Variants in NCKAP5 observed in about 807,000 individuals in gnomAD.
NCKAP5 encodes the protein nck-associated protein 5.
A neutral mutation model predicts 167.0 loss-of-function variants in NCKAP5; 92 were observed. The observed-to-expected ratio is 0.55, with a 90% CI of 0.47 to 0.66. The LOEUF (loss-of-function observed/expected upper bound fraction) is 0.66, where lower values mean the gene tolerates loss of function less well. Among genes scored for constraint, NCKAP5 ranks in the 30% least tolerant of loss-of-function variants. The pLI, the probability that NCKAP5 is intolerant of heterozygous loss-of-function variation, is 0.00. For synonymous variants in NCKAP5, 891 were observed against 877.4 expected (o/e 1.02, Z -0.27); for missense variants, 2,378 against 2,315.0 (o/e 1.03, Z -0.56).
At chr2:133,089,381 T>C (rs543850176) in intron 6 of NCKAP5, among the ~76,000 whole-genome samples, 1 of 152,322 alleles carries the variant, frequency 6.6e-6, no homozygotes, top group Admixed American at 6.5e-5. Context: ...ACTAATTTAA[T>C]ACTGTTTGAT....
chr2:133,494,937 T>C (rs1224942208), intron 3 of NCKAP5, among the ~76,000 whole-genome samples: 11 of 152,188 alleles, frequency 7.2e-5, no homozygotes, highest in Admixed American at 7.2e-4. Context: ...TGGCATCTTT[T>C]AAGGTATGAT....
chr2:133,375,566 T>A (rs375498221), intron 3 of NCKAP5, among the ~76,000 whole-genome samples: 1 of 152,348 alleles, frequency 6.6e-6, no homozygotes, highest in South Asian at 2.1e-4. Context: ...ATCCATTAGT[T>A]ATTTTTCCTG....
the NCKAP5 span, among the ~76,000 whole-genome samples, chr2:133,600,988 T>G: frequency 2.0e-5 from 3 of 152,260 alleles, no homozygotes; most frequent in South Asian, 6.2e-4. Flanking sequence ...CTTCTACTAC[T>G]GACTTCAAAC....
chr2:133,245,632 AT>A (rs1422303561), intron 4 of NCKAP5, among the ~76,000 whole-genome samples: 5 of 151,570 alleles, frequency 3.3e-5, no homozygotes, highest in African/African-American at 7.3e-5. Flanking sequence ...ACCTCAATAA[AT>A]TTTTTTTTAA....
At chr2:133,378,623 A>G (rs1686313363) in intron 3 of NCKAP5, among the ~76,000 whole-genome samples, 1 of 152,212 alleles carries the variant, frequency 6.6e-6, no homozygotes. Flanking sequence ...AGCATCCCAC[A>G]GCCAGGGAAA....
chr2:133,523,529 A>C (rs1262625730), intron 2 of NCKAP5, among the ~76,000 whole-genome samples: 1 of 152,122 alleles, frequency 6.6e-6, no homozygotes, highest in East Asian at 1.9e-4. Context: ...TTGCCATGTA[A>C]ATTTGAGTAG....
At chr2:132,963,606 T>G in intron 8 of NCKAP5, 114 bp downstream of exon 8, 1 of 1,083,918 alleles carries the variant, frequency 9.2e-7, no homozygotes, top group Non-Finnish European at 1.3e-6. Flanking sequence ...TAGATCATAT[T>G]AGTCTGGGAG....
chr2:132,697,450 A>C (rs1026321901), intron 19 of NCKAP5, among the ~76,000 whole-genome samples: 1 of 152,256 alleles, frequency 6.6e-6, no homozygotes, highest in African/African-American at 2.4e-5. Context: ...GTCATATTAG[A>C]TTCTATTTCC....
At chr2:132,915,805 T>G (rs371817377) in intron 8 of NCKAP5, among the ~76,000 whole-genome samples, 3 of 151,886 alleles carry the variant, frequency 2.0e-5, no homozygotes, top group East Asian at 3.9e-4. Context: ...TGGGGAAAGA[T>G]GGAAAAGAGC....
chr2:132,802,126 C>T (rs532146751), intron 11 of NCKAP5, among the ~76,000 whole-genome samples: 4 of 152,290 alleles, frequency 2.6e-5, no homozygotes, highest in Non-Finnish European at 5.9e-5. Context: ...AAGTTTTAAC[C>T]GTTCAGCACC....
At chr2:133,357,660 C>T (rs1411627572) in intron 3 of NCKAP5, among the ~76,000 whole-genome samples, 1 of 152,168 alleles carries the variant, frequency 6.6e-6, no homozygotes, top group Non-Finnish European at 1.5e-5. Flanking sequence ...AAGGTTTCTG[C>T]TTTAGAAATG....
intron 5 of NCKAP5, among the ~76,000 whole-genome samples, chr2:133,198,319 T>G (rs1016896521): frequency 6.6e-6 from 1 of 151,978 alleles, no homozygotes; most frequent in African/African-American, 2.4e-5. Flanking sequence ...AACAGGATAA[T>G]TTCAAAGAAA....
At chr2:133,674,214 C>T in the NCKAP5 span, among the ~76,000 whole-genome samples, 1 of 145,234 alleles carries the variant, frequency 6.9e-6, no homozygotes, top group African/African-American at 2.6e-5. Context: ...TTGGGTCTGG[C>T]TGAATATTAA....
chr2:132,893,875 A>G (rs1207760381), intron 8 of NCKAP5, among the ~76,000 whole-genome samples: 2 of 152,146 alleles, frequency 1.3e-5, no homozygotes, highest in Non-Finnish European at 2.9e-5. Context: ...TTCTGTAAAC[A>G]TATTTCACAC....
intron 6 of NCKAP5, among the ~76,000 whole-genome samples, chr2:133,070,331 C>T (rs2080347058): frequency 6.6e-6 from 1 of 152,184 alleles, no homozygotes; most frequent in Non-Finnish European, 1.5e-5. Flanking sequence ...ATGCCCTGCC[C>T]AACAGCCCAT....
At chr2:133,528,435 C>T (rs951677406) in intron 2 of NCKAP5, among the ~76,000 whole-genome samples, 4 of 151,880 alleles carry the variant, frequency 2.6e-5, no homozygotes, top group African/African-American at 9.7e-5. Flanking sequence ...CAAATGCATG[C>T]ATGGGAATCA....
chr2:133,129,061 T>C (rs2149791158), intron 6 of NCKAP5, among the ~76,000 whole-genome samples: 1 of 151,632 alleles, frequency 6.6e-6, no homozygotes, highest in South Asian at 2.1e-4. Flanking sequence ...AGGATTGCGA[T>C]GACCACTGAA....
chr2:133,026,926 TTC>T (rs2078717584), intron 6 of NCKAP5, among the ~76,000 whole-genome samples: 1 of 152,194 alleles, frequency 6.6e-6, no homozygotes, highest in Non-Finnish European at 1.5e-5. Flanking sequence ...AGCCTGTCTC[TTC>T]TGTCCTGCTC....
chr2:133,551,348 A>G (rs1338735832), intron 2 of NCKAP5, among the ~76,000 whole-genome samples: 1 of 145,938 alleles, frequency 6.9e-6, no homozygotes, highest in Admixed American at 6.9e-5. Context: ...AAACTATACT[A>G]CAAGGCTACA....
Sources: allele counts gnomAD v4.1 joint callset (sites outside exome capture counted in the v4.1 genomes callset), GRCh38; gene constraint gnomAD v4.1.1; transcripts MANE v1.5; gene names NCBI Gene and HGNC (gene_info 2026-07-23, HGNC 2026-07-21).